SNX29: variants seen among roughly 807,000 people sequenced by gnomAD.
SNX29 encodes sorting nexin 29, also known as sorting nexin-29.
SNX29 carries 78 observed loss-of-function variants against 102.1 expected under a neutral mutation model. That is an observed-to-expected ratio of 0.76 (90% CI 0.64 to 0.92). The LOEUF is 0.92. Ranked by LOEUF, SNX29 falls within the 40% of genes least tolerant of loss-of-function variation. The pLI, the probability that SNX29 is intolerant of heterozygous loss-of-function variation, is 0.00. For missense variants in SNX29, 1,280 were observed against 1,061.7 expected, an observed-to-expected ratio of 1.21 and a Z score of -2.86; for synonymous variants, 580 against 414.5, an observed-to-expected ratio of 1.40 and a Z score of -4.85.
At chr16:12,437,782 G>T (rs535937534) in intron 18 of SNX29, among the ~76,000 whole-genome samples, 1 of 152,266 alleles carries the variant, frequency 6.6e-6, no homozygotes, top group East Asian at 1.9e-4. Flanking sequence ...CTGGCTGCTG[G>T]CACTTAATGT....
intron 13 of SNX29, among the ~76,000 whole-genome samples, chr16:12,169,345 C>G (rs1056304183): frequency 6.6e-6 from 1 of 152,168 alleles, no homozygotes. Flanking sequence ...GACACTGAAA[C>G]AAGCCAAAAT....
chr16:12,330,272 G>C (rs546760012), intron 15 of SNX29, among the ~76,000 whole-genome samples: 1 of 152,236 alleles, frequency 6.6e-6, no homozygotes, highest in East Asian at 1.9e-4. Flanking sequence ...CTGGCGACCA[G>C]CCTGACCAAC....
chr16:12,410,573 G>A (rs2084358822), intron 18 of SNX29, among the ~76,000 whole-genome samples: 1 of 152,118 alleles, frequency 6.6e-6, no homozygotes, highest in Non-Finnish European at 1.5e-5. Context: ...AGCCTCCTAA[G>A]TATCTGGAAC....
chr16:12,539,469 C>T (rs935936203), intron 20 of SNX29, among the ~76,000 whole-genome samples: 3 of 152,164 alleles, frequency 2.0e-5, no homozygotes, highest in Non-Finnish European at 2.9e-5. Context: ...ATGGATATAC[C>T]ACGGTTTATC....
intron 1 of SNX29, among the ~76,000 whole-genome samples, chr16:11,988,210 C>G (rs1200251414): frequency 6.6e-6 from 1 of 150,690 alleles, no homozygotes; most frequent in Non-Finnish European, 1.5e-5. Flanking sequence ...AGGAGAATCA[C>G]TTGAACCCGG....
intron 14 of SNX29, among the ~76,000 whole-genome samples, chr16:12,227,101 C>G (rs1369340841): frequency 1.3e-5 from 2 of 152,156 alleles, no homozygotes; most frequent in Non-Finnish European, 2.9e-5. Context: ...GGCTTTTGTA[C>G]AAGCCAGCAT....
chr16:12,545,941 A>C (rs1487928812), intron 20 of SNX29, among the ~76,000 whole-genome samples: 3 of 152,148 alleles, frequency 2.0e-5, no homozygotes, highest in African/African-American at 4.8e-5. Context: ...TTTATGTATT[A>C]TCCTGACAAC....
chr16:12,434,180 C>G (rs1286705768), intron 18 of SNX29, among the ~76,000 whole-genome samples: 1 of 152,202 alleles, frequency 6.6e-6, no homozygotes, highest in African/African-American at 2.4e-5. Context: ...CTTAATTGAC[C>G]TTTCTGGGCC....
chr16:12,539,466 T>C (rs1439349926), intron 20 of SNX29, among the ~76,000 whole-genome samples: 1 of 152,234 alleles, frequency 6.6e-6, no homozygotes, highest in Non-Finnish European at 1.5e-5. Flanking sequence ...TAAATGGATA[T>C]ACCACGGTTT....
chr16:12,339,232 G>T (rs530595209), intron 15 of SNX29, among the ~76,000 whole-genome samples: 4 of 152,004 alleles, frequency 2.6e-5, no homozygotes, highest in African/African-American at 7.3e-5. Flanking sequence ...TTAGCCAGGC[G>T]TGGTGGCGCA....
chr16:12,143,734 C>T (rs1457014441), intron 13 of SNX29, among the ~76,000 whole-genome samples: 3 of 152,224 alleles, frequency 2.0e-5, no homozygotes. Flanking sequence ...AAAAGTCATT[C>T]TCTGCAGTTA....
rs1218151644 is a variant in SNX29 at position 12,483,118 on chromosome 16, T to TG, written c.2178+5259_2178+5260insG. 3.1e-3 allele frequency among the ~76,000 whole-genome samples: 314 copies of TG among 101,350 alleles called. 4 individuals carry two copies. The highest frequency in any genetic ancestry group is 0.014 in the African/African-American group (299 of 21,646). The allele number at this position is 101,350 out of a possible 152,430, so 66.5% of individuals were successfully genotyped here. The stretch of plus-strand genomic sequence containing the variant: ...GATACATATTGAAGTTATTAAGTTT[T>TG]TTTTTTTTTTTTTTTTTTTTTTTTT... On this transcript the variant is annotated intron_variant, in intron 19 of 20. Transcript: ENST00000566228.
chr16:12,410,281 A>C (rs922583696), intron 18 of SNX29, among the ~76,000 whole-genome samples: 1 of 152,222 alleles, frequency 6.6e-6, no homozygotes, highest in Non-Finnish European at 1.5e-5. Flanking sequence ...GGTGTGAGCC[A>C]CTGCGCCTGG....
chr16:12,054,193 C>G (rs1263414047), intron 8 of SNX29, among the ~76,000 whole-genome samples: 2 of 152,188 alleles, frequency 1.3e-5, no homozygotes, highest in Non-Finnish European at 2.9e-5. Flanking sequence ...GTCTCAAACT[C>G]CTGATCTCGT....
chr16:12,102,520 A>T (rs2053065410), intron 11 of SNX29, among the ~76,000 whole-genome samples: 1 of 152,172 alleles, frequency 6.6e-6, no homozygotes, highest in Admixed American at 6.6e-5. Flanking sequence ...ATGGCCAGTG[A>T]TGATGAGCTT....
intron 10 of SNX29, among the ~76,000 whole-genome samples, chr16:12,070,599 C>G (rs189303701): frequency 1.3e-3 from 198 of 151,864 alleles, no homozygotes; most frequent in African/African-American, 4.4e-3. Context: ...CGGGTTGGTT[C>G]CAAGTCTTTG....
chr16:12,354,590 T>C (rs1011488984), intron 15 of SNX29, among the ~76,000 whole-genome samples: 2 of 152,244 alleles, frequency 1.3e-5, no homozygotes, highest in Non-Finnish European at 2.9e-5. Context: ...GGCTCACATT[T>C]TGTGGGGGCA....
chr16:12,070,559 T>G (rs1339987040), intron 10 of SNX29, among the ~76,000 whole-genome samples: 7 of 152,012 alleles, frequency 4.6e-5, no homozygotes. Context: ...TGCCACATTT[T>G]CTTAATCCAG....
intron 13 of SNX29, among the ~76,000 whole-genome samples, chr16:12,178,957 C>T (rs2076321545): frequency 6.6e-6 from 1 of 152,116 alleles, no homozygotes; most frequent in Admixed American, 6.5e-5. Flanking sequence ...CCATGTATCC[C>T]TGAGATGCTT....
Sources: gnomAD v4.1 joint callset for allele counts (sites outside exome capture counted in the v4.1 genomes callset) on GRCh38, gnomAD v4.1.1 for gene constraint, MANE v1.5 for transcripts, NCBI Gene and HGNC (gene_info 2026-07-23, HGNC 2026-07-21) for gene names.